Variants in EPRS1 observed in about 807,000 individuals in gnomAD.
The protein encoded by EPRS1 is glutamyl-prolyl-tRNA synthetase 1, also known as bifunctional glutamate/proline--tRNA ligase.
In EPRS1, 107 loss-of-function variants were observed where a neutral mutation model predicts 188.3. The observed-to-expected ratio is 0.57, with a 90% CI of 0.49 to 0.67. The LOEUF (loss-of-function observed/expected upper bound fraction) is 0.67, where lower values mean the gene tolerates loss of function less well. Ranked by LOEUF, EPRS1 falls within the 30% of genes least tolerant of loss-of-function variation. The pLI is 0.00. For missense variants in EPRS1, 1,577 were observed against 1,802.2 expected (o/e 0.88, Z 2.26); for synonymous variants, 596 against 593.1 (o/e 1.00, Z -0.07).
At chr1:219,981,332 A>G (rs1571657569) in intron 24 of EPRS1, 46 bp downstream of exon 24, 4 of 1,214,896 alleles carry the variant, frequency 3.3e-6, no homozygotes, top group Non-Finnish European at 4.6e-6. Flanking sequence ...AAAAAAAAAA[A>G]AAGAACATGA....
chr1:219,978,964 A>ATT (rs143483062), intron 27 of EPRS1, among the ~76,000 whole-genome samples: 5 of 126,018 alleles, frequency 4.0e-5, no homozygotes, highest in East Asian at 4.8e-4. Flanking sequence ...ATATATATAT[A>ATT]TTTTTTTTTC....
intron 6 of EPRS1, among the ~76,000 whole-genome samples, chr1:220,027,057 G>A (rs573549101): frequency 1.3e-4 from 19 of 151,204 alleles, no homozygotes; most frequent in Admixed American, 4.0e-4. Context: ...TTTGGGAGGC[G>A]GAGGCGGGCA....
At position 219,973,241 on chromosome 1, in the gene EPRS1, G is replaced by T. The variant is rs752600692; in HGVS notation, c.4241C>A (p.Thr1414Lys). Residue 1414 changes from threonine (T) to lysine (K), a missense_variant, in exon 29 of 32, where the codon ACA becomes AAA. Around this residue, in one of 3 missense-constraint regions of EPRS1, gnomAD observed 296 missense variants for 327.9 expected, o/e 0.90. Coordinates refer to ENST00000366923, the MANE Select transcript of EPRS1 (RefSeq NM_004446.3). ...ILEDIQVTLF[T>K]RASEDLKTHM... ...ATAAGCAATTTTAAGAAACTACCTT[G>T]TGAAAAGGGTGACCTGGATGTCTTC... 6.2e-7 allele frequency: 1 copy of T among 1,611,580 alleles called. No individual in the cohort carries two copies. Among genetic ancestry groups the T allele is most frequent in the Admixed American group, 1.7e-5 (1 of 59,840 alleles).
rs754954617 is a variant in EPRS1, at chr1:220,034,970, C to G, written c.175G>C (p.Ala59Pro). The change falls in exon 3 of 32, where the codon GCT (alanine) becomes CCT (proline). Residue 59 changes from alanine (A) to proline (P), a missense_variant. Around this residue, in one of 3 missense-constraint regions of EPRS1, gnomAD observed 1,278 missense variants for 1,457.4 expected, o/e 0.88. Transcript: ENST00000366923. ...TDVNSILRYL[A>P]RVATTAGLYG... ...AACCCAGCTGTAGTTGCAACTCTAG[C>G]CAAGTAGCGAAGTATAGAATTCACA... The G allele has an allele frequency of 6.2e-7, 1 of 1,602,546 alleles. No individual in the cohort carries two copies. Among genetic ancestry groups the G allele is most frequent in the Non-Finnish European group, 8.5e-7 (1 of 1,174,060 alleles).
intron 20 of EPRS1, 27 bp from the exon 21 acceptor site, chr1:219,984,284 A>G (rs377436149): frequency 1.3e-6 from 2 of 1,563,652 alleles, no homozygotes; most frequent in African/African-American, 2.7e-5. Flanking sequence ...TAAAAGATAA[A>G]TATCTTCATT....
intron 5 of EPRS1, among the ~76,000 whole-genome samples, chr1:220,031,873 G>A (rs1248875449): frequency 2.0e-5 from 3 of 151,864 alleles, no homozygotes. Flanking sequence ...ATTGCCTAAG[G>A]GACATACACT....
chr1:220,003,843 A>C (rs1054962779), intron 16 of EPRS1, among the ~76,000 whole-genome samples: 1 of 152,192 alleles, frequency 6.6e-6, no homozygotes, highest in Non-Finnish European at 1.5e-5. Context: ...TATGACGAAA[A>C]AGCCACAAGG....
In EPRS1 at chr1:219,987,421, G is replaced by A. The variant is rs898707548; in HGVS notation, c.2776-17C>T. 12 of 1,569,400 alleles carry A rather than the reference G, an allele frequency of 7.6e-6. No homozygotes were observed. In the Admixed American group the frequency reaches 9.8e-5, roughly 13 times the overall value. Reference sequence around the variant, plus strand: ...TACTTGATCCTTTAGTTTAACAAAAGAGGAAAAAGAGAAGACAGTATTTAA... The same window carrying A: ...TACTTGATCCTTTAGTTTAACAAAAAAGGAAAAAGAGAAGACAGTATTTAA... On this transcript the variant is annotated splice_polypyrimidine_tract_variant and intron_variant, in intron 19 of 31. Transcript: ENST00000366923.
chr1:219,988,904 T>G, intron 18 of EPRS1, 81 bp from the exon 19 acceptor site: 1 of 804,114 alleles, frequency 1.2e-6, no homozygotes, highest in Non-Finnish European at 2.0e-6. Context: ...AATCTTTAAT[T>G]ATCAGCAAAT....
chr1:219,981,187 C>T (rs1387581858), intron 24 of EPRS1, among the ~76,000 whole-genome samples, 191 bp downstream of exon 24: 1 of 152,050 alleles, frequency 6.6e-6, no homozygotes, highest in East Asian at 1.9e-4. Flanking sequence ...CATGAGCTGC[C>T]ACGCCCAGCC....
chr1:220,037,437 G>A (rs553927536), intron 2 of EPRS1, among the ~76,000 whole-genome samples: 18 of 150,696 alleles, frequency 1.2e-4, no homozygotes, highest in South Asian at 6.3e-4. Flanking sequence ...CCTGGGAGGC[G>A]GAGGTTGCAG....
intron 4 of EPRS1, among the ~76,000 whole-genome samples, chr1:220,033,002 G>A (rs1420736443): frequency 6.6e-6 from 1 of 152,068 alleles, no homozygotes; most frequent in Non-Finnish European, 1.5e-5. Context: ...TGAAAAAACT[G>A]TCTTTCCAAG....
At chr1:220,042,412 G>C (rs1258644105) in intron 1 of EPRS1, among the ~76,000 whole-genome samples, 2 of 150,524 alleles carry the variant, frequency 1.3e-5, no homozygotes, top group African/African-American at 4.9e-5. Flanking sequence ...GAACCTGGGA[G>C]GTGGAGGTTT....
At chr1:220,001,890 G>A (rs1008224851) in intron 16 of EPRS1, among the ~76,000 whole-genome samples, 1 of 151,882 alleles carries the variant, frequency 6.6e-6, no homozygotes, top group South Asian at 2.1e-4. Context: ...TTAGCCAGGC[G>A]TGGCGGCGGG....
rs1662104926 is a variant in EPRS1, at chr1:220,032,419, T to G, written c.496A>C (p.Lys166Gln). The G allele has an allele frequency of 6.2e-7, 1 of 1,613,308 alleles. No individual in the cohort carries two copies. The highest frequency in any genetic ancestry group is 8.5e-7 in the Non-Finnish European group (1 of 1,179,772). ...GCTTTGGTTGTTGAAACATCCCACT[T>G]GGTACCTACTGACTGGAAGGCCTGC... The part of the protein sequence containing the change: ...AQQAFQSVGT[K>Q]WDVSTTKARV... The change falls in exon 5 of 32, where the codon AAG becomes CAG. Residue 166 changes from lysine (K) to glutamine (Q), a missense_variant. Transcript: ENST00000366923.
At chr1:220,044,880 T>G (rs1031304620) in intron 1 of EPRS1, among the ~76,000 whole-genome samples, 3 of 152,166 alleles carry the variant, frequency 2.0e-5, no homozygotes, top group Non-Finnish European at 4.4e-5. Context: ...GACTCAGGTC[T>G]GCAGAAACCA....
chr1:219,968,740 G>A lies in EPRS1; in HGVS notation c.*66C>T. ...AAAAATCATAAAACGGTCTGTATCT[G>A]AGAAGATACTAATATCAATGCTTTA... On this transcript the variant is annotated 3_prime_UTR_variant, in exon 32 of 32. Coordinates refer to ENST00000366923, the MANE Select transcript of EPRS1 (RefSeq NM_004446.3). 1 of 1,465,004 alleles carries A rather than the reference G, an allele frequency of 6.8e-7. No homozygotes were observed. The allele number at this position is 1,465,004 out of a possible 1,614,324, so 90.8% of individuals were successfully genotyped here.
At chr1:219,981,156 C>G (rs1400341616) in intron 24 of EPRS1, among the ~76,000 whole-genome samples, 1 of 152,128 alleles carries the variant, frequency 6.6e-6, no homozygotes, top group Non-Finnish European at 1.5e-5. Context: ...GCTCGACCTC[C>G]CAAAGTGCTG....
intron 1 of EPRS1, among the ~76,000 whole-genome samples, chr1:220,044,619 G>A (rs1011545377): frequency 1.4e-5 from 2 of 142,734 alleles, no homozygotes; most frequent in African/African-American, 2.6e-5. Context: ...GCAACTACTC[G>A]TGTGGCTGAG....
Sources: gnomAD v4.1 joint callset for allele counts (sites outside exome capture counted in the v4.1 genomes callset) on GRCh38, gnomAD v4.1.1 for gene constraint, gnomAD v4.1.1 regional missense constraint, MANE v1.5 for transcripts, NCBI Gene and HGNC (gene_info 2026-07-23, HGNC 2026-07-21) for gene names.